The following CANX variants were observed in gnomAD, a reference collection of about 807,000 sequenced individuals.
The protein encoded by CANX is epididymis secretory sperm binding protein.
In CANX, 14 loss-of-function variants were observed where a neutral mutation model predicts 75.7. The ratio of observed to expected loss-of-function variants is 0.19; its 90% CI spans 0.12 to 0.29. The LOEUF (loss-of-function observed/expected upper bound fraction) is 0.29, where lower values mean the gene tolerates loss of function less well. Ranked by LOEUF, CANX falls within the 10% of genes least tolerant of loss-of-function variation. The pLI, the probability that CANX is intolerant of heterozygous loss-of-function variation, is 1.00. For synonymous variants in CANX, 227 were observed against 236.9 expected (o/e 0.96, Z 0.38); for missense variants, 567 against 713.2 (o/e 0.79, Z 2.34).
chr5:179,702,715 G>A (rs1043329587), intron 1 of CANX, among the ~76,000 whole-genome samples: 3 of 151,750 alleles, frequency 2.0e-5, no homozygotes, highest in Admixed American at 2.0e-4. Context: ...GTTTGTTTAA[G>A]GCAGTCTTAC....
intron 7 of CANX, among the ~76,000 whole-genome samples, chr5:179,712,619 T>G (rs977551675): frequency 2.0e-5 from 3 of 150,464 alleles, no homozygotes; most frequent in Non-Finnish European, 4.4e-5. Flanking sequence ...GAGATGGGTT[T>G]TCTCCATGTT....
chr5:179,705,141 G>A (rs1053548030), intron 1 of CANX, among the ~76,000 whole-genome samples: 6 of 151,894 alleles, frequency 4.0e-5, no homozygotes, highest in Admixed American at 1.3e-4. Context: ...GCCCGCTATC[G>A]CTCCCAGCTA....
chr5:179,703,433 G>T (rs1776905830), intron 1 of CANX, among the ~76,000 whole-genome samples: 1 of 151,346 alleles, frequency 6.6e-6, no homozygotes, highest in African/African-American at 2.4e-5. Context: ...TCCCTGGCTG[G>T]TCTCCTGAGC....
intron 1 of CANX, among the ~76,000 whole-genome samples, chr5:179,705,081 G>T (rs1364940567): frequency 6.6e-6 from 1 of 152,040 alleles, no homozygotes; most frequent in Non-Finnish European, 1.5e-5. Flanking sequence ...CACCTCCTGG[G>T]TTCAAGCAGT....
chr5:179,708,874 C>A, intron 5 of CANX, 104 bp from the exon 6 acceptor site: 3 of 634,042 alleles, frequency 4.7e-6, no homozygotes, highest in Non-Finnish European at 8.8e-6. Context: ...AAACATTTGA[C>A]CTATGATAAA....
chr5:179,728,670 A>G lies in CANX; in HGVS notation c.*26A>G, dbSNP rs1444878876. 2 of 1,561,634 alleles carry G rather than the reference A, an allele frequency of 1.3e-6. No homozygotes were observed. Among genetic ancestry groups the G allele is most frequent in the South Asian group, 1.1e-5 (1 of 89,862 alleles). ...AACAATCTTAAGAGCTTGATCTGTG[A>G]TTTCTTCTCCCTCCTCCCCTGCAAG... On this transcript the variant is annotated 3_prime_UTR_variant, in exon 15 of 15. Transcript: ENST00000247461.
intron 7 of CANX, chr5:179,715,760 T>A: frequency 3.5e-6 from 1 of 282,044 alleles, no homozygotes; most frequent in South Asian, 3.3e-5. Context: ...GTATTTGTCT[T>A]CTCACTGGTG....
chr5:179,721,809 C>T (rs1233682932), intron 10 of CANX, among the ~76,000 whole-genome samples: 1 of 151,932 alleles, frequency 6.6e-6, no homozygotes, highest in Non-Finnish European at 1.5e-5. Context: ...TATTTATATA[C>T]AAATACTAAT....
At chr5:179,710,150 C>T (rs1220071435) in intron 7 of CANX, 85 bp downstream of exon 7, 8 of 833,594 alleles carry the variant, frequency 9.6e-6, no homozygotes, top group Non-Finnish European at 1.5e-5. Flanking sequence ...TGGCCGGGCA[C>T]TGTGGCTCAC....
At chr5:179,679,341 CT>C in intron 1 of CANX, 2 of 1,252,260 alleles carry the variant, frequency 1.6e-6, no homozygotes, top group Non-Finnish European at 2.2e-6. Context: ...GCGGACATGT[CT>C]TAGCCCTGCA....
At chr5:179,680,896 A>G in intron 1 of CANX, 2 of 1,536,808 alleles carry the variant, frequency 1.3e-6, no homozygotes, top group African/African-American at 1.4e-5. Flanking sequence ...TGGTTCAGGG[A>G]GATGGTCTCT....
chr5:179,725,420 G>A (rs1466259045), intron 13 of CANX, among the ~76,000 whole-genome samples: 1 of 151,952 alleles, frequency 6.6e-6, no homozygotes, highest in Non-Finnish European at 1.5e-5. Flanking sequence ...GGTGGCTCAC[G>A]CCTGTAATTC....
At chr5:179,717,278 A>G (rs1215583599) in intron 8 of CANX, among the ~76,000 whole-genome samples, 2 of 152,202 alleles carry the variant, frequency 1.3e-5, no homozygotes, top group Non-Finnish European at 2.9e-5. Context: ...TATTTGGTGT[A>G]TATTAGATTT....
upstream of CANX, chr5:179,698,346 A>G: frequency 4.6e-6 from 5 of 1,084,256 alleles, no homozygotes; most frequent in Non-Finnish European, 5.8e-6. Flanking sequence ...CTGGGCGACG[A>G]GGCTGCGCAG....
intron 2 of CANX, among the ~76,000 whole-genome samples, 176 bp from the exon 3 acceptor site, chr5:179,706,082 C>T (rs1038667586): frequency 2.6e-5 from 4 of 152,164 alleles, no homozygotes; most frequent in Non-Finnish European, 5.9e-5. Flanking sequence ...CGTGAAAATA[C>T]TTATTGATCT....
intron 7 of CANX, 110 bp from the exon 8 acceptor site, chr5:179,715,995 C>T: frequency 2.4e-6 from 2 of 817,870 alleles, no homozygotes; most frequent in Non-Finnish European, 4.2e-6. Context: ...TACCCCAAAG[C>T]CTCAGGTCAG....
At chr5:179,685,943 G>C (rs925147611) in intron 1 of CANX, among the ~76,000 whole-genome samples, 18 of 151,898 alleles carry the variant, frequency 1.2e-4, no homozygotes, top group African/African-American at 4.1e-4. Context: ...TGTCTGCCTC[G>C]ACCTCCCAGA....
chr5:179,693,862 TAATAA>T (rs1233623178), upstream of CANX, among the ~76,000 whole-genome samples: 1 of 151,954 alleles, frequency 6.6e-6, no homozygotes, highest in Non-Finnish European at 1.5e-5. Flanking sequence ...AATTTCACTG[TAATAA>T]AATAAACTTC....
intron 7 of CANX, among the ~76,000 whole-genome samples, chr5:179,714,669 C>G (rs1777808026): frequency 1.3e-5 from 2 of 152,140 alleles, no homozygotes; most frequent in South Asian, 4.1e-4. Context: ...AGGTGCCCAC[C>G]ACCACGCTGG....
Sources: allele counts gnomAD v4.1 joint callset (sites outside exome capture counted in the v4.1 genomes callset), GRCh38; gene constraint gnomAD v4.1.1; transcripts MANE v1.5; gene names NCBI Gene and HGNC (gene_info 2026-07-23, HGNC 2026-07-21).